The following LHFPL5 variants were observed in gnomAD, a reference collection of about 807,000 sequenced individuals.
LHFPL5 encodes LHFPL tetraspan subfamily member 5 protein.
Under a neutral mutation model 18.7 loss-of-function variants are expected in LHFPL5, and 12 were observed. The observed-to-expected ratio is 0.64, with a 90% CI of 0.41 to 1.04. The LOEUF (loss-of-function observed/expected upper bound fraction) is 1.04. LHFPL5 is among the 50% of genes least tolerant of loss of function. The pLI is 0.00. For synonymous variants in LHFPL5, 111 were observed against 120.2 expected (o/e 0.92, Z 0.50); for missense variants, 259 against 292.1 (o/e 0.89, Z 0.83).
At chr6:35,808,297 T>TTATATATA (rs143892427) in intron 1 of LHFPL5, among the ~76,000 whole-genome samples, 21 of 142,098 alleles carry the variant, frequency 1.5e-4, no homozygotes, top group African/African-American at 5.2e-4. Context: ...TATCTCTATT[T>TTATATATA]TATATATATA....
In LHFPL5 at chr6:35,814,584, G is replaced by T. The variant is rs150144623; in HGVS notation, c.451G>T (p.Gly151Cys). The T allele has an allele frequency of 6.2e-7, 1 of 1,614,204 alleles. No homozygotes were observed. Among genetic ancestry groups the T allele is most frequent in the Non-Finnish European group, 8.5e-7 (1 of 1,180,022 alleles). ...GATTGGCTGCCTGGTCTACCCTGATGGTTGGGACTCAAGTGAGGTGCGGCG... is the reference window on the plus strand; with the variant it reads ...GATTGGCTGCCTGGTCTACCCTGATTGTTGGGACTCAAGTGAGGTGCGGCG... ...LMIGCLVYPD[G>C]WDSSEVRRMC... Residue 151 changes from glycine (G) to cysteine (C), a missense_variant, in exon 2 of 4, where the codon GGT becomes TGT. Transcript: ENST00000360215. This position sits in a 1 kb window ranked among gnomAD's most constrained non-coding sequence, Gnocchi z 4.2.
intron 1 of LHFPL5, among the ~76,000 whole-genome samples, chr6:35,806,695 T>C (rs1768574478): frequency 6.6e-6 from 1 of 152,238 alleles, no homozygotes; most frequent in African/African-American, 2.4e-5. Context: ...AACTTTCATC[T>C]AAATTCCCCT....
intron 1 of LHFPL5, among the ~76,000 whole-genome samples, chr6:35,813,724 T>C (rs1055748790): frequency 6.6e-6 from 1 of 151,980 alleles, no homozygotes; most frequent in African/African-American, 2.4e-5. Flanking sequence ...ACACTGTTAT[T>C]CTATGTACCA....
At chr6:35,818,770 T>C (rs1581974920) in intron 2 of LHFPL5, among the ~76,000 whole-genome samples, 1 of 151,986 alleles carries the variant, frequency 6.6e-6, no homozygotes, top group South Asian at 2.1e-4. Context: ...CCTTTTTTTT[T>C]TTGATGCCAC....
rs1423422444 is a variant in LHFPL5 at position 35,822,077 on chromosome 6, C to T, written c.*17-905C>T. On this transcript the variant is annotated intron_variant, in intron 3 of 3. Transcript: ENST00000360215. The stretch of plus-strand genomic sequence containing the variant: ...TTTTTTTGTTTGTTTGTTGAAGAAA[C>T]GATGTTTTGTCATGTTGTCCAGGAT... Among the ~76,000 whole-genome samples, 5 of 151,550 alleles carry T rather than the reference C, an allele frequency of 3.3e-5. No homozygotes were observed. In the East Asian group the frequency reaches 5.8e-4, roughly 18 times the overall value.
chr6:35,806,118 A>C (rs1308090570), intron 1 of LHFPL5, 36 bp downstream of exon 1: 11 of 1,602,000 alleles, frequency 6.9e-6, no homozygotes, highest in Admixed American at 3.4e-5. Flanking sequence ...GCAGGGGCCC[A>C]CCCCGGGGCC....
At chr6:35,817,736 G>A (rs1334560781) in intron 2 of LHFPL5, among the ~76,000 whole-genome samples, 1 of 152,136 alleles carries the variant, frequency 6.6e-6, no homozygotes, top group Non-Finnish European at 1.5e-5. Flanking sequence ...TGGAGAAATT[G>A]GAACCCTCAT....
intron 1 of LHFPL5, among the ~76,000 whole-genome samples, chr6:35,813,444 C>T (rs1463973537): frequency 1.3e-5 from 2 of 151,826 alleles, no homozygotes; most frequent in African/African-American, 2.4e-5. Flanking sequence ...GGGGTTTCAC[C>T]GTGTTAGCCA....
At chr6:35,813,239 ATTTTTTTTTTTT>A (rs35884324) in intron 1 of LHFPL5, among the ~76,000 whole-genome samples, 4 of 56,324 alleles carry the variant, frequency 7.1e-5, no homozygotes, top group South Asian at 8.5e-4. Context: ...AGGAACTAGC[ATTTTTTTTTTTT>A]TTTTTTTTTT....
At chr6:35,819,127 C>T (rs928205455) in intron 2 of LHFPL5, among the ~76,000 whole-genome samples, 5 of 152,164 alleles carry the variant, frequency 3.3e-5, no homozygotes, top group African/African-American at 7.2e-5. Context: ...GCCACTGCAT[C>T]GGGCCATATT....
chr6:35,819,602 C>T, intron 3 of LHFPL5, 139 bp downstream of exon 3: 1 of 801,666 alleles, frequency 1.2e-6, no homozygotes, highest in South Asian at 1.5e-5. Context: ...AGAGGACCAA[C>T]ACCCCACTGG....
chr6:35,813,005 A>T (rs1003440017), intron 1 of LHFPL5, among the ~76,000 whole-genome samples: 7 of 152,008 alleles, frequency 4.6e-5, no homozygotes, highest in Admixed American at 4.6e-4. Context: ...CAGTGAGCCG[A>T]GATCGTGCCA....
At chr6:35,809,220 C>G (rs1183789970) in intron 1 of LHFPL5, among the ~76,000 whole-genome samples, 1 of 152,164 alleles carries the variant, frequency 6.6e-6, no homozygotes, top group Non-Finnish European at 1.5e-5. Context: ...TTCTCTGAGT[C>G]TTGGTAACCT....
Position 35,821,481 on chromosome 6 carries a change from G to GTGTGTA in LHFPL5, c.*17-1496_*17-1495insATGTGT, listed in dbSNP as rs1554147697. On this transcript the variant is annotated intron_variant, in intron 3 of 3. Transcript: ENST00000360215. The stretch of plus-strand genomic sequence containing the variant: ...TGTGTGTGTGTGTGTGTGTGTGTGT[G>GTGTGTA]TGTGTGTGTGTGTTCTTGACACGGA... Among the ~76,000 whole-genome samples, 1,405 of 146,996 alleles carry GTGTGTA rather than the reference G, an allele frequency of 9.6e-3. 16 individuals carry two copies. Among genetic ancestry groups the GTGTGTA allele is most frequent in the Middle Eastern group, 0.024 (7 of 288 alleles).
At chr6:35,815,025 A>G (rs1043882564) in intron 2 of LHFPL5, among the ~76,000 whole-genome samples, 2 of 152,182 alleles carry the variant, frequency 1.3e-5, no homozygotes, top group African/African-American at 2.4e-5. Context: ...CTCAGAGGCT[A>G]TAGGGGAGAG....
chr6:35,819,164 A>T (rs1326074694), intron 2 of LHFPL5, among the ~76,000 whole-genome samples: 1 of 152,108 alleles, frequency 6.6e-6, no homozygotes, highest in African/African-American at 2.4e-5. Context: ...CATCTGCCCA[A>T]CCAATAACAG....
Position 35,806,021 on chromosome 6 carries a change from G to A in LHFPL5, c.351G>A (p.Leu117=). 1 of 1,614,200 alleles carries A rather than the reference G, an allele frequency of 6.2e-7. No homozygotes were observed. The part of the protein sequence containing the change: ...LIIGSIICFS[L]FFICNTATVY... The stretch of plus-strand genomic sequence containing the variant: ...TTGGCTCCATCATCTGCTTCAGCCT[G>A]TTCTTCATCTGCAACACGGCCACAG... Residue 117 remains leucine (L), a synonymous_variant, in exon 1 of 4, where the codon CTG becomes CTA. Transcript: ENST00000360215.
chr6:35,810,978 C>T lies in LHFPL5; in HGVS notation c.413-3568C>T, dbSNP rs550059234. On this transcript the variant is annotated intron_variant, in intron 1 of 3. Transcript: ENST00000360215. Reference sequence around the variant, plus strand: ...TTTCTTGCTTATGGTCCGTGCCAACCGGGGATCGGTGGGGGCTCCGCTCTC... The same window carrying T: ...TTTCTTGCTTATGGTCCGTGCCAACTGGGGATCGGTGGGGGCTCCGCTCTC... 2.8e-4 allele frequency among the ~76,000 whole-genome samples: 43 copies of T among 152,262 alleles called. No homozygotes were observed. The South Asian group carries it at 7.9e-3, about 28-fold the overall frequency.
chr6:35,810,747 A>T (rs1277387254), intron 1 of LHFPL5, among the ~76,000 whole-genome samples: 3 of 151,736 alleles, frequency 2.0e-5, no homozygotes, highest in African/African-American at 7.3e-5. Context: ...GAATGGCGTG[A>T]ACCCAGGAGG....
Sources: gnomAD v4.1 joint callset for allele counts (sites outside exome capture counted in the v4.1 genomes callset) on GRCh38, gnomAD v4.1.1 for gene constraint, Gnocchi (gnomAD v3.1) non-coding constraint, MANE v1.5 for transcripts, NCBI Gene and HGNC (gene_info 2026-07-23, HGNC 2026-07-21) for gene names.